The following RGS7 variants were observed in gnomAD, a reference collection of about 807,000 sequenced individuals.
RGS7 encodes the protein regulator of G protein signaling 7.
In RGS7, 27 loss-of-function variants were observed where a neutral mutation model predicts 81.1. The ratio of observed to expected loss-of-function variants is 0.33; its 90% CI spans 0.25 to 0.46. RGS7 has a LOEUF of 0.46. Ranked by LOEUF, RGS7 falls within the 20% of genes least tolerant of loss-of-function variation. RGS7 has a pLI of 1.00. For synonymous variants in RGS7, 208 were observed against 207.7 expected, an observed-to-expected ratio of 1.00 and a Z score of -0.01; for missense variants, 396 against 607.4, an observed-to-expected ratio of 0.65 and a Z score of 3.66.
intron 2 of RGS7, among the ~76,000 whole-genome samples, chr1:241,137,505 A>G (rs1054833904): frequency 6.6e-6 from 1 of 152,100 alleles, no homozygotes; most frequent in African/African-American, 2.4e-5. Flanking sequence ...TGAGCCCCCA[A>G]ATTTTATATT....
At chr1:240,778,999 G>T (rs988725865) in intron 18 of RGS7, among the ~76,000 whole-genome samples, 5 of 152,218 alleles carry the variant, frequency 3.3e-5, no homozygotes, top group Non-Finnish European at 7.4e-5. Context: ...AAGCTCACAT[G>T]TTGAAAGCTT....
intron 2 of RGS7, among the ~76,000 whole-genome samples, chr1:241,272,202 C>G (rs2148350539): frequency 6.6e-6 from 1 of 152,086 alleles, no homozygotes; most frequent in South Asian, 2.1e-4. Context: ...ACCGTGTTAG[C>G]CAGGGTGGTC....
At chr1:240,964,783 A>G (rs1326025002) in intron 4 of RGS7, among the ~76,000 whole-genome samples, 4 of 152,196 alleles carry the variant, frequency 2.6e-5, no homozygotes, top group Non-Finnish European at 5.9e-5. Flanking sequence ...AGTGTATTTT[A>G]TTCGAACTTA....
At chr1:241,246,663 T>C (rs1336031177) in intron 2 of RGS7, among the ~76,000 whole-genome samples, 1 of 152,126 alleles carries the variant, frequency 6.6e-6, no homozygotes, top group Non-Finnish European at 1.5e-5. Flanking sequence ...GATTCTGCAA[T>C]AAGGCATTAG....
At chr1:241,319,727 TA>T (rs1346156563) in intron 2 of RGS7, among the ~76,000 whole-genome samples, 1 of 152,136 alleles carries the variant, frequency 6.6e-6, no homozygotes, top group Non-Finnish European at 1.5e-5. Context: ...TTTAAAAAGA[TA>T]ACATAATCAT....
At chr1:240,877,799 G>T (rs1043423388) in intron 6 of RGS7, among the ~76,000 whole-genome samples, 2 of 152,132 alleles carry the variant, frequency 1.3e-5, no homozygotes, top group Non-Finnish European at 2.9e-5. Flanking sequence ...TTATTGCTGA[G>T]TCAGGGCCCA....
At chr1:241,115,634 G>A (rs1355352927) in intron 2 of RGS7, among the ~76,000 whole-genome samples, 2 of 152,162 alleles carry the variant, frequency 1.3e-5, no homozygotes, top group East Asian at 3.9e-4. Flanking sequence ...TGCCAACCCT[G>A]GTCCCTTGTT....
At chr1:240,970,769 G>A (rs1683075526) in intron 4 of RGS7, among the ~76,000 whole-genome samples, 2 of 152,108 alleles carry the variant, frequency 1.3e-5, no homozygotes, top group Non-Finnish European at 2.9e-5. Context: ...TGGATTACTC[G>A]AGATCAGGAG....
chr1:241,007,886 C>T (rs183840951), intron 3 of RGS7, among the ~76,000 whole-genome samples: 5 of 152,256 alleles, frequency 3.3e-5, no homozygotes, highest in Admixed American at 6.5e-5. Flanking sequence ...CCCAACTGTG[C>T]GGGCACATGC....
At chr1:241,220,960 AG>A (rs374591001) in intron 2 of RGS7, among the ~76,000 whole-genome samples, 5 of 46,374 alleles carry the variant, frequency 1.1e-4, no homozygotes, top group Non-Finnish European at 2.1e-4. Flanking sequence ...CAAGGAAGGA[AG>A]GAAGGAAGGA....
intron 2 of RGS7, among the ~76,000 whole-genome samples, chr1:241,216,151 C>T (rs1266828024): frequency 6.6e-6 from 1 of 151,996 alleles, no homozygotes; most frequent in Non-Finnish European, 1.5e-5. Flanking sequence ...ATGTGCCTGT[C>T]ATCCCAGCTA....
intron 5 of RGS7, 121 bp from the exon 6 acceptor site, chr1:240,930,889 T>C (rs1453855167): frequency 1.0e-6 from 1 of 986,064 alleles, no homozygotes. Flanking sequence ...TGTTTTATAA[T>C]ACAGAACATG....
chr1:241,080,867 G>A (rs562390377), intron 3 of RGS7, among the ~76,000 whole-genome samples: 15 of 152,256 alleles, frequency 9.9e-5, no homozygotes, highest in Non-Finnish European at 1.9e-4. Context: ...AACCTCTCAA[G>A]CTCTGTGAAG....
At chr1:240,885,687 G>A (rs1268886810) in intron 6 of RGS7, among the ~76,000 whole-genome samples, 1 of 152,150 alleles carries the variant, frequency 6.6e-6, no homozygotes, top group African/African-American at 2.4e-5. Context: ...ATAAGTGGGA[G>A]CTAAATGATG....
intron 2 of RGS7, among the ~76,000 whole-genome samples, chr1:241,176,371 G>C (rs1384461666): frequency 6.6e-6 from 1 of 152,144 alleles, no homozygotes; most frequent in African/African-American, 2.4e-5. Context: ...TGAGTTACTA[G>C]TTTGCTTGCT....
At chr1:240,993,267 AAAAG>A (rs1451897014) in intron 3 of RGS7, among the ~76,000 whole-genome samples, 4 of 151,454 alleles carry the variant, frequency 2.6e-5, no homozygotes, top group East Asian at 1.9e-4. Flanking sequence ...GAAAGAAAGA[AAAAG>A]AAAGAAAGAG....
At chr1:241,324,245 G>A (rs2081365878) in intron 2 of RGS7, among the ~76,000 whole-genome samples, 1 of 151,672 alleles carries the variant, frequency 6.6e-6, no homozygotes, top group African/African-American at 2.4e-5. Flanking sequence ...GTTCACTTAA[G>A]AAATAGGTAG....
intron 3 of RGS7, among the ~76,000 whole-genome samples, chr1:241,093,854 A>T (rs2148938389): frequency 6.6e-6 from 1 of 152,180 alleles, no homozygotes; most frequent in Non-Finnish European, 1.5e-5. Context: ...TGCAACCATA[A>T]ATACTTTGTG....
intron 2 of RGS7, among the ~76,000 whole-genome samples, chr1:241,345,908 C>T (rs368473985): frequency 2.2e-5 from 2 of 90,552 alleles, no homozygotes; most frequent in Non-Finnish European, 4.4e-5. Context: ...CCCAGCTACT[C>T]GGGAGGCTGA....
Sources: gnomAD v4.1 joint callset for allele counts (sites outside exome capture counted in the v4.1 genomes callset) on GRCh38, gnomAD v4.1.1 for gene constraint, MANE v1.5 for transcripts, NCBI Gene and HGNC (gene_info 2026-07-23, HGNC 2026-07-21) for gene names.